ROCK2: variants seen among roughly 807,000 people sequenced by gnomAD.
The protein encoded by ROCK2 is Rho associated coiled-coil containing protein kinase 2.
In ROCK2, 61 loss-of-function variants were observed where a neutral mutation model predicts 195.1. That is an observed-to-expected ratio of 0.31 (90% CI 0.25 to 0.39). The LOEUF (loss-of-function observed/expected upper bound fraction) is 0.39, where lower values mean the gene tolerates loss of function less well. Among genes scored for constraint, ROCK2 ranks in the 10% least tolerant of loss-of-function variants. The pLI, the probability that ROCK2 is intolerant of heterozygous loss-of-function variation, is 1.00. For synonymous variants in ROCK2, 504 were observed against 545.5 expected (o/e 0.92, Z 1.06); for missense variants, 1,109 against 1,637.4 (o/e 0.68, Z 5.57).
At chr2:11,330,820 GGA>G (rs1668710171) in intron 1 of ROCK2, among the ~76,000 whole-genome samples, 1 of 29,378 alleles carries the variant, frequency 3.4e-5, no homozygotes, top group Non-Finnish European at 9.1e-5. Flanking sequence ...AGGAAGGGGA[GGA>G]GGAGGGGGAG....
At chr2:11,250,756 T>A (rs1665803069) in intron 3 of ROCK2, among the ~76,000 whole-genome samples, 1 of 152,208 alleles carries the variant, frequency 6.6e-6, no homozygotes, top group African/African-American at 2.4e-5. Context: ...AGTTTCAGAA[T>A]CCAACCATTT....
intron 1 of ROCK2, among the ~76,000 whole-genome samples, chr2:11,312,920 C>T (rs1299545929): frequency 6.6e-6 from 1 of 151,854 alleles, no homozygotes; most frequent in Non-Finnish European, 1.5e-5. Flanking sequence ...CTGGAAAAGG[C>T]AAAACTAGAG....
intron 3 of ROCK2, among the ~76,000 whole-genome samples, chr2:11,279,493 G>A (rs1481895557): frequency 6.6e-6 from 1 of 152,208 alleles, no homozygotes; most frequent in Non-Finnish European, 1.5e-5. Context: ...AATCATCAAT[G>A]TGTTATATGT....
At chr2:11,289,567 T>G (rs1216422931) in intron 1 of ROCK2, among the ~76,000 whole-genome samples, 1 of 152,188 alleles carries the variant, frequency 6.6e-6, no homozygotes, top group Non-Finnish European at 1.5e-5. Flanking sequence ...GGAAAAGGCT[T>G]CTATTGCAAC....
At position 11,240,935 on chromosome 2, in the gene ROCK2, C is replaced by T. The variant is rs762726227; in HGVS notation, c.463-4973G>A. 3.3e-5 allele frequency among the ~76,000 whole-genome samples: 5 copies of T among 152,026 alleles called. No individual in the cohort carries two copies. The South Asian group carries it at 8.3e-4, about 25-fold the overall frequency. On this transcript the variant is annotated intron_variant, in intron 4 of 32. Coordinates refer to ENST00000315872, the MANE Select transcript of ROCK2 (RefSeq NM_004850.5). ...CACTAGAACAACAGAAAAGAGATAC[C>T]GTATATATTTTCCATCAGAGTAAAG...
intron 17 of ROCK2, among the ~76,000 whole-genome samples, chr2:11,213,350 G>A (rs572103037): frequency 6.6e-6 from 1 of 151,978 alleles, no homozygotes; most frequent in Non-Finnish European, 1.5e-5. Context: ...TAGAGTATTC[G>A]CTATCTTGCA....
intron 19 of ROCK2, 44 bp downstream of exon 19, chr2:11,208,242 TA>T (rs1664124632): frequency 3.7e-6 from 3 of 815,088 alleles, no homozygotes; most frequent in South Asian, 9.0e-5. Context: ...ATAAACCTAT[TA>T]ATTCATTAGT....
intron 1 of ROCK2, among the ~76,000 whole-genome samples, chr2:11,310,902 GATTT>G (rs1162273438): frequency 6.6e-6 from 1 of 151,700 alleles, no homozygotes; most frequent in African/African-American, 2.4e-5. Flanking sequence ...AAGCAAGGAA[GATTT>G]CACCTCTGTG....
At chr2:11,285,836 C>G (rs1011822222) in intron 3 of ROCK2, among the ~76,000 whole-genome samples, 1 of 150,850 alleles carries the variant, frequency 6.6e-6, no homozygotes, top group African/African-American at 2.4e-5. Context: ...CAAAAAGGAA[C>G]AAAAAGAAAC....
In ROCK2 at chr2:11,193,840, C is replaced by A; in HGVS notation, c.3626G>T (p.Arg1209Leu). 4 of 1,593,016 alleles carry A rather than the reference C, an allele frequency of 2.5e-6. No homozygotes were observed. In the South Asian group the frequency reaches 3.4e-5, roughly 14 times the overall value. ...ATACACATCTGTCTGTGTAACTGGT[C>A]GGACATGAAATAACTTGCTATAAAA... Reference protein sequence around the residue: ...VLDIDKLFHVRPVTQTDVYRA... With the variant: ...VLDIDKLFHVLPVTQTDVYRA... Residue 1209 changes from arginine to leucine, a missense_variant, in exon 30 of 33, where the codon CGA becomes CTA. By Grantham distance (102) the Arg-to-Leu change is moderately radical. Transcript: ENST00000315872.
intron 7 of ROCK2, among the ~76,000 whole-genome samples, chr2:11,223,211 G>A (rs1416231731): frequency 6.6e-6 from 1 of 152,102 alleles, no homozygotes; most frequent in Admixed American, 6.6e-5. Context: ...CGTCAACCAT[G>A]TAATTGACAG....
chr2:11,259,041 A>G (rs950759498), intron 3 of ROCK2, among the ~76,000 whole-genome samples: 1 of 151,290 alleles, frequency 6.6e-6, no homozygotes, highest in African/African-American at 2.5e-5. Context: ...CTAGACAAAG[A>G]GCTTCAAGAG....
rs778025113 is a variant in ROCK2 at position 11,208,288 on chromosome 2, T to C, written c.2363A>G (p.Asp788Gly). 7.1e-7 allele frequency: 1 copy of C among 1,416,648 alleles called. No individual in the cohort carries two copies. Among genetic ancestry groups the C allele is most frequent in the South Asian group, 1.8e-5 (1 of 56,222 alleles). 87.8% of individuals were successfully genotyped at this position (1,416,648 alleles called of 1,614,324 possible). A position where few individuals can be genotyped will look rare whatever the true frequency, so the allele number is the denominator to read the frequency against. The change falls in exon 19 of 33, where the codon GAT (aspartate) becomes GGT (glycine). Residue 788 changes from aspartate to glycine, a missense_variant and splice_region_variant. By Grantham distance (94) the Asp-to-Gly change is moderately conservative. Around this residue, in one of 6 missense-constraint regions of ROCK2, gnomAD observed 542 missense variants for 672.0 expected, o/e 0.81. Coordinates refer to ENST00000315872, the MANE Select transcript of ROCK2 (RefSeq NM_004850.5). Reference protein sequence around the residue: ...LLKQKDVLNEDVRNLTLKIEQ... With the variant: ...LLKQKDVLNEGVRNLTLKIEQ... ...ATCATTAGTACACTTAATACTTACA[T>C]CCTCATTTAGCACATCTTTCTGTTT...
chr2:11,301,692 C>A (rs146183389), intron 1 of ROCK2, among the ~76,000 whole-genome samples: 4 of 149,156 alleles, frequency 2.7e-5, no homozygotes, highest in African/African-American at 9.9e-5. Context: ...GGAGGAGAAT[C>A]GCTTGAACCT....
In ROCK2 at chr2:11,305,348, C is replaced by A. The variant is rs190292376; in HGVS notation, c.142-17612G>T. 5.5e-4 allele frequency among the ~76,000 whole-genome samples: 84 copies of A among 152,110 alleles called. No individual in the cohort carries two copies. In the South Asian group the frequency reaches 5.6e-3, roughly 10 times the overall value. ...CAGAGATCATGCCACTACACTCCAG[C>A]CCGGACAACAGAGCGAGACTCCGTC... On this transcript the variant is annotated intron_variant, in intron 1 of 32. Transcript: ENST00000315872.
At chr2:11,278,503 G>A (rs1342365859) in intron 3 of ROCK2, among the ~76,000 whole-genome samples, 3 of 152,156 alleles carry the variant, frequency 2.0e-5, no homozygotes, top group African/African-American at 7.2e-5. Context: ...TGGCTCTTAT[G>A]AATAATGCTG....
intron 3 of ROCK2, among the ~76,000 whole-genome samples, chr2:11,262,394 G>C (rs1666258542): frequency 6.6e-6 from 1 of 152,090 alleles, no homozygotes; most frequent in South Asian, 2.1e-4. Context: ...TTAAATAGAT[G>C]AGACATTCCT....
chr2:11,256,235 C>T lies in ROCK2; in HGVS notation c.325-6437G>A, dbSNP rs946030257. On this transcript the variant is annotated intron_variant, in intron 3 of 32. Coordinates refer to ENST00000315872, the MANE Select transcript of ROCK2 (RefSeq NM_004850.5). The stretch of plus-strand genomic sequence containing the variant: ...AAATTTCAGGTCAAATTGTAATTCC[C>T]AGTGTTGGAGGGAAGGGCCTAGTGG... Among the ~76,000 whole-genome samples the T allele has an allele frequency of 1.1e-4, 16 of 151,222 alleles. 1 individual carries two copies. Among genetic ancestry groups the T allele is most frequent in the Non-Finnish European group, 1.5e-4 (10 of 67,968 alleles).
At chr2:11,295,356 G>A (rs1667478454) in intron 1 of ROCK2, among the ~76,000 whole-genome samples, 1 of 151,736 alleles carries the variant, frequency 6.6e-6, no homozygotes, top group Admixed American at 6.6e-5. Context: ...AGGCAAGTTA[G>A]ACTTTTTAAA....
Sources: gnomAD v4.1 joint callset for allele counts (sites outside exome capture counted in the v4.1 genomes callset) on GRCh38, gnomAD v4.1.1 for gene constraint, gnomAD v4.1.1 regional missense constraint, MANE v1.5 for transcripts, NCBI Gene and HGNC (gene_info 2026-07-23, HGNC 2026-07-21) for gene names.